Variants in AP1G1 observed in about 807,000 individuals in gnomAD.
AP1G1 encodes the protein adaptor related protein complex 1 subunit gamma 1, also known as AP-1 complex subunit gamma-1.
A neutral mutation model predicts 108.3 loss-of-function variants in AP1G1; 7 were observed. The observed-to-expected ratio is 0.06, with a 90% CI of 0.04 to 0.12. The LOEUF is 0.12. Among genes scored for constraint, AP1G1 ranks in the 10% least tolerant of loss-of-function variants. The pLI is 1.00. For missense variants in AP1G1, 756 were observed against 1,010.7 expected (o/e 0.75, Z 3.42); for synonymous variants, 379 against 353.5 (o/e 1.07, Z -0.81).
chr16:71,806,655 A>G (rs2033007458), intron 1 of AP1G1: 1 of 1,262,814 alleles, frequency 7.9e-7, no homozygotes, highest in Non-Finnish European at 1.0e-6. Context: ...GAAATGGAAC[A>G]TTTCAGTAGT....
At position 71,745,466 on chromosome 16, in the gene AP1G1, T is replaced by A; in HGVS notation, c.1872+7A>T. ...AGCCCCAGATGAGCAAGTGAAAGGC[T>A]GGCTACCTGGCTGGTGGGCTGTGGC... is the stretch of plus-strand genomic sequence containing the variant. On this transcript the variant is annotated splice_region_variant and intron_variant, in intron 18 of 22. Coordinates refer to ENST00000299980, the MANE Select transcript of AP1G1 (RefSeq NM_001128.6). 1 of 1,614,168 alleles carries A rather than the reference T, an allele frequency of 6.2e-7. No individual in the cohort carries two copies. Among genetic ancestry groups the A allele is most frequent in the Non-Finnish European group, 8.5e-7 (1 of 1,180,024 alleles).
At chr16:71,801,651 C>T (rs931303348) in intron 1 of AP1G1, among the ~76,000 whole-genome samples, 7 of 152,088 alleles carry the variant, frequency 4.6e-5, no homozygotes, top group Non-Finnish European at 7.3e-5. Flanking sequence ...CAAGGCCGGG[C>T]GCGGTGGGTC....
rs563295222 is a variant in AP1G1 at position 71,730,991 on chromosome 16, G to C, written c.*2067C>G. On this transcript the variant is annotated 3_prime_UTR_variant, in exon 23 of 23. Coordinates refer to ENST00000299980, the MANE Select transcript of AP1G1 (RefSeq NM_001128.6). Reference sequence around the variant, plus strand: ...GCTGGTTAGCTACAAATATAAGAGAGAAAATAAAGCCTCTACACAAAGAGG... The same window carrying C: ...GCTGGTTAGCTACAAATATAAGAGACAAAATAAAGCCTCTACACAAAGAGG... 6.6e-6 allele frequency: 1 copy of C among 152,326 alleles called. No individual in the cohort carries two copies. The allele number at this position is 152,326 out of a possible 1,614,324, so 9.4% of individuals were successfully genotyped here. A position where few individuals can be genotyped will look rare whatever the true frequency, so the allele number is the denominator to read the frequency against.
At chr16:71,806,787 A>G (rs1161205399) in intron 1 of AP1G1, 5 of 1,044,216 alleles carry the variant, frequency 4.8e-6, no homozygotes, top group African/African-American at 1.7e-5. Context: ...CACGTATCTA[A>G]TAGTAACTAA....
intron 1 of AP1G1, among the ~76,000 whole-genome samples, chr16:71,793,834 C>T (rs1206246530): frequency 6.6e-6 from 1 of 152,156 alleles, no homozygotes; most frequent in African/African-American, 2.4e-5. Context: ...CTCAGCTCCC[C>T]AAGTAGCTGG....
chr16:71,792,645 G>T (rs975206411), intron 1 of AP1G1, among the ~76,000 whole-genome samples: 6 of 152,128 alleles, frequency 3.9e-5, no homozygotes, highest in Non-Finnish European at 8.8e-5. Context: ...CCTGAGGTCA[G>T]GAGTTCGAGA....
intron 2 of AP1G1, among the ~76,000 whole-genome samples, chr16:71,779,862 A>G (rs745551560): frequency 3.1e-4 from 47 of 152,256 alleles, no homozygotes; most frequent in Middle Eastern, 6.8e-3. Context: ...TCACACCTGT[A>G]ATCCCAGCAC....
At chr16:71,783,881 C>T (rs947445045) in intron 2 of AP1G1, among the ~76,000 whole-genome samples, 3 of 152,180 alleles carry the variant, frequency 2.0e-5, no homozygotes, top group Non-Finnish European at 4.4e-5. Context: ...AAAAAGAACA[C>T]ATCTGTGGAA....
chr16:71,768,500 C>CAA (rs527404594), intron 6 of AP1G1, among the ~76,000 whole-genome samples: 1 of 83,734 alleles, frequency 1.2e-5, no homozygotes, highest in Non-Finnish European at 2.1e-5. Flanking sequence ...GACTCCGCCA[C>CAA]AAAAAAAAAA....
At chr16:71,772,491 A>C (rs2031615747) in intron 4 of AP1G1, among the ~76,000 whole-genome samples, 1 of 152,208 alleles carries the variant, frequency 6.6e-6, no homozygotes, top group African/African-American at 2.4e-5. Context: ...TTTCTGAACA[A>C]GAGTAGCTCA....
At chr16:71,797,018 A>G (rs201885191) in intron 1 of AP1G1, among the ~76,000 whole-genome samples, 1 of 57,934 alleles carries the variant, frequency 1.7e-5, no homozygotes, top group Non-Finnish European at 3.8e-5. Flanking sequence ...AAAAAAAATT[A>G]TATATATATA....
At chr16:71,759,324 G>A (rs2030961671) in intron 10 of AP1G1, among the ~76,000 whole-genome samples, 1 of 152,134 alleles carries the variant, frequency 6.6e-6, no homozygotes, top group Admixed American at 6.5e-5. Flanking sequence ...TGGGCACATG[G>A]GTGTTAGGTG....
intron 1 of AP1G1, among the ~76,000 whole-genome samples, chr16:71,797,522 C>T (rs997867525): frequency 4.6e-5 from 7 of 152,002 alleles, no homozygotes; most frequent in African/African-American, 1.2e-4. Context: ...TTAATATAGC[C>T]GGAGACGGTG....
At position 71,730,352 on chromosome 16, in the gene AP1G1, A is replaced by G. The variant is rs1367732268; in HGVS notation, c.*2706T>C. On this transcript the variant is annotated 3_prime_UTR_variant, in exon 23 of 23. Coordinates refer to ENST00000299980, the MANE Select transcript of AP1G1 (RefSeq NM_001128.6). ...GAAACGACTCTTGAAGAGGGAAATA[A>G]TGAAGTACAAGTGCATGTGAAATTG... The G allele has an allele frequency of 6.6e-6, 1 of 152,336 alleles. No homozygotes were observed. The highest frequency in any genetic ancestry group is 1.5e-5 in the Non-Finnish European group (1 of 68,034). 9.4% of individuals were successfully genotyped at this position (152,336 alleles called of 1,614,324 possible). A position where few individuals can be genotyped will look rare whatever the true frequency, so the allele number is the denominator to read the frequency against.
At chr16:71,791,419 T>G (rs2032393863) in intron 1 of AP1G1, among the ~76,000 whole-genome samples, 1 of 152,122 alleles carries the variant, frequency 6.6e-6, no homozygotes, top group Non-Finnish European at 1.5e-5. Flanking sequence ...TACTAGTTAT[T>G]CTAACCTGCT....
chr16:71,794,114 C>T (rs994554021), intron 1 of AP1G1, among the ~76,000 whole-genome samples: 3 of 152,136 alleles, frequency 2.0e-5, no homozygotes, highest in African/African-American at 7.2e-5. Context: ...AACATGAATA[C>T]AAAATTATAT....
intron 1 of AP1G1, among the ~76,000 whole-genome samples, chr16:71,790,303 G>A (rs12596801): frequency 6.6e-6 from 1 of 152,096 alleles, no homozygotes; most frequent in Admixed American, 6.5e-5. Context: ...CACTTTGGGA[G>A]GCCAAGGTGG....
Position 71,773,811 on chromosome 16 carries a change from C to T in AP1G1, c.327-449G>A, listed in dbSNP as rs568077714. The stretch of plus-strand genomic sequence containing the variant: ...TGTAAAAATTGGCCGAGCGTGGTGG[C>T]GGGCGCCTATAATCCCAGCTACTTG... On this transcript the variant is annotated intron_variant, in intron 3 of 22. Coordinates refer to ENST00000299980, the MANE Select transcript of AP1G1 (RefSeq NM_001128.6). Among the ~76,000 whole-genome samples the T allele has an allele frequency of 1.6e-4, 24 of 147,434 alleles. 2 individuals are homozygous for T. The South Asian group carries it at 5.6e-3, about 34-fold the overall frequency.
chr16:71,774,264 G>C (rs1041633611), intron 3 of AP1G1: 44 of 522,826 alleles, frequency 8.4e-5, no homozygotes, highest in Admixed American at 4.2e-4. Flanking sequence ...TATAATCCCA[G>C]CTACGCAGGA....
Sources: gnomAD v4.1 joint callset for allele counts (sites outside exome capture counted in the v4.1 genomes callset) on GRCh38, gnomAD v4.1.1 for gene constraint, MANE v1.5 for transcripts, NCBI Gene and HGNC (gene_info 2026-07-23, HGNC 2026-07-21) for gene names.